Variants in RGS6 observed in about 807,000 individuals in gnomAD.
RGS6 encodes regulator of G-protein signaling 6.
RGS6 carries 30 observed loss-of-function variants against 78.5 expected under a neutral mutation model. The observed-to-expected ratio is 0.38, with a 90% CI of 0.29 to 0.52. RGS6 has a LOEUF of 0.52. Ranked by LOEUF, RGS6 falls within the 20% of genes least tolerant of loss-of-function variation. RGS6 has a pLI of 0.85. For synonymous variants in RGS6, 206 were observed against 206.0 expected (o/e 1.00, Z 0.00); for missense variants, 495 against 609.7 (o/e 0.81, Z 1.98).
intron 2 of RGS6, among the ~76,000 whole-genome samples, chr14:72,037,610 T>G (rs1384228272): frequency 6.6e-6 from 1 of 152,220 alleles, no homozygotes; most frequent in Non-Finnish European, 1.5e-5. Flanking sequence ...ATTTAGATGT[T>G]TGAATGCTTC....
intron 2 of RGS6, among the ~76,000 whole-genome samples, chr14:72,342,800 T>TA (rs1566571903): frequency 2.9e-5 from 4 of 140,288 alleles, no homozygotes; most frequent in East Asian, 2.2e-4. Context: ...CCCAGAGAGA[T>TA]CAAAAAAAAT....
intron 4 of RGS6, among the ~76,000 whole-genome samples, chr14:72,455,601 G>A (rs959831367): frequency 1.3e-5 from 2 of 150,126 alleles, no homozygotes; most frequent in Non-Finnish European, 2.9e-5. Context: ...GAAGTGGCCC[G>A]AGTCTTTTCA....
intron 2 of RGS6, among the ~76,000 whole-genome samples, chr14:72,314,417 C>T (rs536112687): frequency 2.0e-5 from 3 of 152,180 alleles, no homozygotes; most frequent in Non-Finnish European, 4.4e-5. Flanking sequence ...GGGAAAGTTA[C>T]ACTTTCTCAG....
At chr14:71,954,609 A>G (rs1440547721) in intron 1 of RGS6, among the ~76,000 whole-genome samples, 2 of 152,138 alleles carry the variant, frequency 1.3e-5, no homozygotes, top group Admixed American at 6.6e-5. Flanking sequence ...TTATTTTAAA[A>G]TGTACAATTG....
chr14:72,092,277 G>A (rs539928108), intron 2 of RGS6, among the ~76,000 whole-genome samples: 7 of 151,768 alleles, frequency 4.6e-5, no homozygotes, highest in African/African-American at 1.7e-4. Context: ...CACCCACTTC[G>A]GCCTCCCAAA....
At chr14:72,008,068 G>A (rs1383275573) in intron 2 of RGS6, among the ~76,000 whole-genome samples, 4 of 152,150 alleles carry the variant, frequency 2.6e-5, no homozygotes, top group Non-Finnish European at 5.9e-5. Context: ...AAGCCATAGA[G>A]AAATATTCCT....
At chr14:72,620,018 A>C in the RGS6 span, 2 of 1,504,832 alleles carry the variant, frequency 1.3e-6, no homozygotes, top group Non-Finnish European at 8.8e-7. Flanking sequence ...AGAGGAGGAG[A>C]GATTCCATTA....
intron 2 of RGS6, among the ~76,000 whole-genome samples, chr14:72,170,220 C>A (rs1199348847): frequency 6.6e-6 from 1 of 152,160 alleles, no homozygotes; most frequent in Non-Finnish European, 1.5e-5. Flanking sequence ...TTCTGCCAAC[C>A]AAAATGATCA....
intron 2 of RGS6, among the ~76,000 whole-genome samples, chr14:72,052,917 C>CATT (rs2093337820): frequency 6.6e-6 from 1 of 151,066 alleles, no homozygotes; most frequent in Non-Finnish European, 1.5e-5. Context: ...TTCAGAGTTT[C>CATT]ATTGTATTTT....
intron 3 of RGS6, among the ~76,000 whole-genome samples, chr14:72,381,693 G>A (rs1484456546): frequency 2.0e-5 from 3 of 152,050 alleles, no homozygotes; most frequent in Non-Finnish European, 4.4e-5. Context: ...TATATTTTAG[G>A]AAGAAGAAAA....
the RGS6 span, among the ~76,000 whole-genome samples, chr14:72,577,322 A>G: frequency 1.3e-5 from 2 of 152,228 alleles, no homozygotes; most frequent in East Asian, 3.8e-4. Context: ...ATGGCCCACT[A>G]TGGCTGAATT....
the RGS6 span, among the ~76,000 whole-genome samples, chr14:71,895,968 T>A: frequency 6.6e-6 from 1 of 152,184 alleles, no homozygotes; most frequent in Admixed American, 6.5e-5. Flanking sequence ...GTGCTTCTAA[T>A]CTGGCCAAAC....
rs78519093 is a variant in RGS6 at position 72,042,970 on chromosome 14, A to G, written c.84+78095A>G. 4.1e-3 allele frequency among the ~76,000 whole-genome samples: 618 copies of G among 152,306 alleles called. 7 individuals are homozygous for G. Among genetic ancestry groups the G allele is most frequent in the African/African-American group, 0.014 (599 of 41,584 alleles). ...GAGTGTTACATTGCTTTTGTTTCTC[A>G]TGAATACTATCTTTTAAAAATTTTA... On this transcript the variant is annotated intron_variant, in intron 2 of 17. Transcript: ENST00000553525.
chr14:72,011,160 GGTTATGA>G (rs2085614778), intron 2 of RGS6, among the ~76,000 whole-genome samples: 1 of 152,120 alleles, frequency 6.6e-6, no homozygotes, highest in Non-Finnish European at 1.5e-5. Flanking sequence ...AGATGACCTT[GGTTATGA>G]GTTTCATGAG....
At chr14:71,941,156 C>T (rs1279426672) in intron 1 of RGS6, among the ~76,000 whole-genome samples, 1 of 152,204 alleles carries the variant, frequency 6.6e-6, no homozygotes, top group Non-Finnish European at 1.5e-5. Flanking sequence ...ACCTGCTTCA[C>T]TGTGTTCCTT....
At chr14:71,933,334 A>G (rs1231389311) in intron 1 of RGS6, 2 of 149,292 alleles carry the variant, frequency 1.3e-5, no homozygotes, top group East Asian at 2.1e-4. Flanking sequence ...TCAGGCGTTC[A>G]TTAACTTTTT....
intron 2 of RGS6, among the ~76,000 whole-genome samples, chr14:72,056,452 G>A (rs1007311362): frequency 6.6e-6 from 1 of 152,114 alleles, no homozygotes; most frequent in Admixed American, 6.5e-5. Context: ...TGAGTCTTCA[G>A]GTGTGTTACA....
intron 4 of RGS6, among the ~76,000 whole-genome samples, chr14:72,457,803 T>C (rs893608089): frequency 6.6e-6 from 1 of 152,178 alleles, no homozygotes; most frequent in African/African-American, 2.4e-5. Flanking sequence ...GACTGTCATA[T>C]TGGGGAACGC....
chr14:71,992,548 A>G (rs2095007180), intron 2 of RGS6, among the ~76,000 whole-genome samples: 1 of 152,240 alleles, frequency 6.6e-6, no homozygotes, highest in Non-Finnish European at 1.5e-5. Context: ...ACTCGGATAA[A>G]GAACAGGTGG....
Sources: allele counts gnomAD v4.1 joint callset (sites outside exome capture counted in the v4.1 genomes callset), GRCh38; gene constraint gnomAD v4.1.1; transcripts MANE v1.5; gene names NCBI Gene and HGNC (gene_info 2026-07-23, HGNC 2026-07-21).